Variants in MED4 observed in about 807,000 individuals in gnomAD.
The protein encoded by MED4 is mediator of RNA polymerase II transcription subunit 4.
MED4 carries 21 observed loss-of-function variants against 35.0 expected under a neutral mutation model. That is an observed-to-expected ratio of 0.60 (90% CI 0.43 to 0.86). The LOEUF (loss-of-function observed/expected upper bound fraction) is 0.86, where lower values mean the gene tolerates loss of function less well. MED4 is among the 40% of genes least tolerant of loss of function. The pLI is 0.00. For missense variants in MED4, 300 were observed against 319.4 expected (o/e 0.94, Z 0.46); for synonymous variants, 138 against 114.0 (o/e 1.21, Z -1.34).
At chr13:48,086,475 A>G (rs1345670151) in intron 2 of MED4, 23 bp from the exon 3 acceptor site, 1 of 1,605,396 alleles carries the variant, frequency 6.2e-7, no homozygotes, top group East Asian at 2.2e-5. Context: ...AGTCAATTAA[A>G]TCAGACAATA....
In MED4 at chr13:48,094,986, C is replaced by G; in HGVS notation, c.93G>C (p.Leu31=). The change falls in exon 1 of 7, where the codon CTG becomes CTC. Residue 31 remains leucine, a synonymous_variant. Coordinates refer to ENST00000258648, the MANE Select transcript of MED4 (RefSeq NM_014166.4). The part of the protein sequence containing the change: ...AGGNSTRERL[L]SALEDLEVLS... ...GGACCTCCAAGTCCTCAAGCGCAGA[C>G]AGCAGCCGCTCTCGTGTGCTGTTAC... 1 of 1,604,172 alleles carries G rather than the reference C, an allele frequency of 6.2e-7. No individual in the cohort carries two copies. The highest frequency in any genetic ancestry group is 8.5e-7 in the Non-Finnish European group (1 of 1,179,830).
At chr13:48,094,711 G>A (rs1340221202) in intron 1 of MED4, among the ~76,000 whole-genome samples, 4 of 152,062 alleles carry the variant, frequency 2.6e-5, no homozygotes, top group Non-Finnish European at 4.4e-5. Context: ...GTGGCTGGCC[G>A]CGGACGAAGA....
intron 1 of MED4, among the ~76,000 whole-genome samples, chr13:48,090,825 T>A (rs1332162825): frequency 6.6e-6 from 1 of 152,226 alleles, no homozygotes; most frequent in Non-Finnish European, 1.5e-5. Flanking sequence ...CAATGCATTA[T>A]GAGCGATTTA....
chr13:48,087,128 G>A (rs1352224305), intron 2 of MED4, among the ~76,000 whole-genome samples: 2 of 151,856 alleles, frequency 1.3e-5, no homozygotes, highest in Non-Finnish European at 2.9e-5. Flanking sequence ...CACTTTGGGA[G>A]GCCGAGGCAG....
chr13:48,082,457 A>C (rs945477377), intron 4 of MED4, among the ~76,000 whole-genome samples: 4 of 152,236 alleles, frequency 2.6e-5, no homozygotes, highest in African/African-American at 9.6e-5. Context: ...ACGGTCTAGA[A>C]GTCAACAGCC....
chr13:48,093,629 C>G (rs1342739268), intron 1 of MED4: 1 of 467,622 alleles, frequency 2.1e-6, no homozygotes, highest in Non-Finnish European at 4.4e-6. Flanking sequence ...TTCCAATGAT[C>G]CGCCCGCCTT....
chr13:48,085,822 G>A (rs563349022), intron 3 of MED4, among the ~76,000 whole-genome samples: 1 of 152,236 alleles, frequency 6.6e-6, no homozygotes, highest in African/African-American at 2.4e-5. Flanking sequence ...CTACCTAGAT[G>A]AGGATGAATG....
At chr13:48,079,798 T>C (rs768427975) in intron 6 of MED4, 46 bp downstream of exon 6, 9 of 1,587,364 alleles carry the variant, frequency 5.7e-6, no homozygotes, top group Non-Finnish European at 7.7e-6. Flanking sequence ...TTGTCATCTC[T>C]GGAAAACCCT....
In MED4 at chr13:48,092,645, C is replaced by A. The variant is rs182121105; in HGVS notation, c.126-2227G>T. 3.8e-3 allele frequency among the ~76,000 whole-genome samples: 583 copies of A among 152,318 alleles called. 2 individuals carry two copies. The highest frequency in any genetic ancestry group is 0.013 in the African/African-American group (546 of 41,560). Reference sequence around the variant, plus strand: ...GTAATCGTGATGGGAGAAACATGGACAGATTTCAGATATCTTTTGGAGGTA... The same window carrying A: ...GTAATCGTGATGGGAGAAACATGGAAAGATTTCAGATATCTTTTGGAGGTA... On this transcript the variant is annotated intron_variant, in intron 1 of 6. Coordinates refer to ENST00000258648, the MANE Select transcript of MED4 (RefSeq NM_014166.4).
At chr13:48,091,413 A>G (rs1306955286) in intron 1 of MED4, among the ~76,000 whole-genome samples, 1 of 152,232 alleles carries the variant, frequency 6.6e-6, no homozygotes, top group Non-Finnish European at 1.5e-5. Flanking sequence ...GCTACCTGAC[A>G]CTGCTCTGAT....
intron 2 of MED4, among the ~76,000 whole-genome samples, chr13:48,089,177 C>G (rs984543501): frequency 1.9e-5 from 1 of 52,364 alleles, no homozygotes; most frequent in African/African-American, 7.8e-5. Flanking sequence ...TCTCTAGCCT[C>G]TTTCTTTTTT....
intron 2 of MED4, among the ~76,000 whole-genome samples, chr13:48,088,890 T>A (rs1485286072): frequency 6.6e-6 from 1 of 152,186 alleles, no homozygotes; most frequent in African/African-American, 2.4e-5. Flanking sequence ...AGTAACAGTT[T>A]CAATGAAAAT....
chr13:48,077,966 ATTATAAACAAGT>A (rs1950774539), intron 6 of MED4, among the ~76,000 whole-genome samples: 1 of 152,192 alleles, frequency 6.6e-6, no homozygotes, highest in African/African-American at 2.4e-5. Flanking sequence ...TATTCTACAT[ATTATAAACAAGT>A]AATAGGTACT....
At chr13:48,080,539 T>A (rs867350327) in intron 5 of MED4, among the ~76,000 whole-genome samples, 6 of 150,924 alleles carry the variant, frequency 4.0e-5, no homozygotes, top group South Asian at 2.1e-4. Context: ...TTCTACACTT[T>A]AAAAAAAAAG....
At chr13:48,080,815 C>G (rs141583286) in intron 5 of MED4, among the ~76,000 whole-genome samples, 1 of 151,868 alleles carries the variant, frequency 6.6e-6, no homozygotes, top group Non-Finnish European at 1.5e-5. Flanking sequence ...TAAGATAAAA[C>G]CTTTTTCTAA....
chr13:48,088,526 A>G (rs1950868937), intron 2 of MED4, among the ~76,000 whole-genome samples: 1 of 152,228 alleles, frequency 6.6e-6, no homozygotes, highest in South Asian at 2.1e-4. Context: ...CTAGGTTTCC[A>G]TTTCTATAAA....
chr13:48,090,383 T>C lies in MED4; in HGVS notation c.161A>G (p.Gln54Arg), dbSNP rs1421985281. Residue 54 changes from glutamine (Q) to arginine (R), a missense_variant, in exon 2 of 7, where the codon CAA (glutamine) becomes CGA (arginine). Transcript: ENST00000258648. The stretch of plus-strand genomic sequence containing the variant: ...TTCCTCTCCAGCCTGTAACAACTTT[T>C]GGTTTCTTGAAATTGCCAGCATTTC... ...LIEMLAISRN[Q>R]KLLQAGEENQ... 1.3e-6 allele frequency: 2 copies of C among 1,597,444 alleles called. No individual in the cohort carries two copies. The highest frequency in any genetic ancestry group is 2.2e-5 in the East Asian group (1 of 44,582).
At chr13:48,093,744 G>A (rs1950906119) in intron 1 of MED4, 1 of 236,398 alleles carries the variant, frequency 4.2e-6, no homozygotes, top group Non-Finnish European at 9.0e-6. Flanking sequence ...AATTTCTGCT[G>A]TCTAGGTGTT....
intron 4 of MED4, among the ~76,000 whole-genome samples, chr13:48,082,288 C>T (rs1344383562): frequency 6.6e-6 from 1 of 151,256 alleles, no homozygotes; most frequent in Non-Finnish European, 1.5e-5. Context: ...TACATACTCA[C>T]AGATCTAGAA....
Sources: gnomAD v4.1 joint callset for allele counts (sites outside exome capture counted in the v4.1 genomes callset) on GRCh38, gnomAD v4.1.1 for gene constraint, MANE v1.5 for transcripts, NCBI Gene and HGNC (gene_info 2026-07-23, HGNC 2026-07-21) for gene names.